Variants in MZT1 observed in about 807,000 individuals in gnomAD.
MZT1 encodes mitotic-spindle organizing protein 1.
In MZT1, 8 loss-of-function variants were observed where a neutral mutation model predicts 8.5. That is an observed-to-expected ratio of 0.94 (90% CI 0.55 to 1.70). MZT1 has a LOEUF of 1.70. Among genes scored for constraint, MZT1 ranks in the 40% most tolerant of loss-of-function variants. The probability of loss-of-function intolerance (pLI) is 0.00; values close to 1 mark genes in which losing one functional copy is unlikely to be tolerated. For synonymous variants in MZT1, 38 were observed against 42.0 expected (o/e 0.90, Z 0.37); for missense variants, 93 against 108.6 (o/e 0.86, Z 0.64).
chr13:72,715,356 T>C (rs947261910), intron 2 of MZT1, among the ~76,000 whole-genome samples: 3 of 149,498 alleles, frequency 2.0e-5, no homozygotes, highest in African/African-American at 7.3e-5. Flanking sequence ...TTTTAGATTT[T>C]ACAGGCTCAT....
At chr13:72,714,073 T>G (rs1372346407) in intron 2 of MZT1, among the ~76,000 whole-genome samples, 1 of 151,932 alleles carries the variant, frequency 6.6e-6, no homozygotes, top group Non-Finnish European at 1.5e-5. Flanking sequence ...AGACAGCATT[T>G]CAGAGATCTA....
rs35019188 is a variant in MZT1 at position 72,726,744 on chromosome 13, G to GAAA, written c.79+777_79+779dup. 2.4e-3 allele frequency among the ~76,000 whole-genome samples: 314 copies of GAAA among 132,116 alleles called. 7 individuals are homozygous for GAAA. Among genetic ancestry groups the GAAA allele is most frequent in the Non-Finnish European group, 2.6e-3 (163 of 63,690 alleles). 86.7% of individuals were successfully genotyped at this position (132,116 alleles called of 152,430 possible). A position where few individuals can be genotyped will look rare whatever the true frequency, so the allele number is the denominator to read the frequency against. ...CCTGGAGGTAGGGTTTTATTTTACA[G>GAAA]AAAAAAAAAAAAAAAAAACTAAACA... On this transcript the variant is annotated intron_variant, in intron 1 of 2. Coordinates refer to ENST00000377818, the MANE Select transcript of MZT1 (RefSeq NM_001071775.3).
In MZT1 at chr13:72,708,547, T is replaced by C. The variant is rs1284904908; in HGVS notation, c.*1775A>G. Reference sequence around the variant, plus strand: ...ACGATCCCTTCTCAATATATTTTCCTGCTTTGTTTCATACATAAATAACTT... The same window carrying C: ...ACGATCCCTTCTCAATATATTTTCCCGCTTTGTTTCATACATAAATAACTT... On this transcript the variant is annotated 3_prime_UTR_variant, in exon 3 of 3. Coordinates refer to ENST00000377818, the MANE Select transcript of MZT1 (RefSeq NM_001071775.3). 1.3e-5 allele frequency: 2 copies of C among 152,644 alleles called. No individual in the cohort carries two copies. Among genetic ancestry groups the C allele is most frequent in the East Asian group, 1.9e-4 (1 of 5,196 alleles). 9.5% of individuals were successfully genotyped at this position (152,644 alleles called of 1,614,324 possible). A position where few individuals can be genotyped will look rare whatever the true frequency, so the allele number is the denominator to read the frequency against.
chr13:72,725,964 T>G (rs1232030438), intron 1 of MZT1, among the ~76,000 whole-genome samples: 1 of 152,004 alleles, frequency 6.6e-6, no homozygotes, highest in Non-Finnish European at 1.5e-5. Context: ...TGTTGATACA[T>G]CGAAAAGGAT....
chr13:72,711,860 G>A (rs2032492092), intron 2 of MZT1, among the ~76,000 whole-genome samples: 1 of 152,096 alleles, frequency 6.6e-6, no homozygotes, highest in Non-Finnish European at 1.5e-5. Flanking sequence ...TGTCCCAAAT[G>A]GCAATAAGAG....
At position 72,710,164 on chromosome 13, in the gene MZT1, C is replaced by A; in HGVS notation, c.*158G>T. The A allele has an allele frequency of 1.5e-6, 1 of 661,278 alleles. No individual in the cohort carries two copies. The highest frequency in any genetic ancestry group is 2.6e-6 in the Non-Finnish European group (1 of 384,978). 41.0% of individuals were successfully genotyped at this position (661,278 alleles called of 1,614,324 possible). A position where few individuals can be genotyped will look rare whatever the true frequency, so the allele number is the denominator to read the frequency against. ...GATAGTTCTCTCTGTAAGCCACTTT[C>A]CACTGATTTATAAAGCTATGGTTTT... On this transcript the variant is annotated 3_prime_UTR_variant, in exon 3 of 3. Coordinates refer to ENST00000377818, the MANE Select transcript of MZT1 (RefSeq NM_001071775.3).
intron 1 of MZT1, 63 bp downstream of exon 1, chr13:72,727,461 C>T: frequency 6.5e-7 from 1 of 1,533,500 alleles, no homozygotes; most frequent in Non-Finnish European, 9.0e-7. Flanking sequence ...CAGGCTCATT[C>T]CCGCCTGGGG....
intron 1 of MZT1, 127 bp downstream of exon 1, chr13:72,727,397 C>T: frequency 1.1e-6 from 1 of 941,576 alleles, no homozygotes; most frequent in Non-Finnish European, 1.7e-6. Flanking sequence ...CAGGTCCCTA[C>T]CAAAGATCTT....
intron 1 of MZT1, among the ~76,000 whole-genome samples, chr13:72,722,935 T>G (rs917352699): frequency 6.6e-6 from 1 of 152,226 alleles, no homozygotes; most frequent in African/African-American, 2.4e-5. Context: ...CACTTTATTT[T>G]TGACTGTCTT....
At chr13:72,716,132 T>G (rs182167883) in intron 2 of MZT1, among the ~76,000 whole-genome samples, 9 of 152,134 alleles carry the variant, frequency 5.9e-5, no homozygotes, top group Non-Finnish European at 1.0e-4. Flanking sequence ...GCCAGGCTGG[T>G]CTTGAACTCC....
rs1593794643 is a variant in MZT1, at chr13:72,710,039, T to C, written c.*283A>G. 23 of 391,778 alleles carry C rather than the reference T, an allele frequency of 5.9e-5. No homozygotes were observed. The East Asian group carries it at 1.1e-3, about 18-fold the overall frequency. 24.3% of individuals were successfully genotyped at this position (391,778 alleles called of 1,614,324 possible). Reference sequence around the variant, plus strand: ...GACAGACTGCTTAGAAAATTAAAGCTATCAGAGCTATAAATAAGGAATACA... The same window carrying C: ...GACAGACTGCTTAGAAAATTAAAGCCATCAGAGCTATAAATAAGGAATACA... On this transcript the variant is annotated 3_prime_UTR_variant, in exon 3 of 3. Transcript: ENST00000377818.
At chr13:72,720,740 T>A (rs2032585166) in intron 1 of MZT1, among the ~76,000 whole-genome samples, 1 of 151,960 alleles carries the variant, frequency 6.6e-6, no homozygotes. Context: ...AATACAAAAT[T>A]AGCCAGGCAA....
rs2032464726 is a variant in MZT1, at chr13:72,709,367, CA to C, written c.*954del. Reference sequence around the variant, plus strand: ...TAATGACTGGAAATCCTTATTTCTTCAAAAAATAGCAAGTATCTTTTGAAAC... The same window carrying C: ...TAATGACTGGAAATCCTTATTTCTTCAAAAATAGCAAGTATCTTTTGAAAC... On this transcript the variant is annotated 3_prime_UTR_variant, in exon 3 of 3. Coordinates refer to ENST00000377818, the MANE Select transcript of MZT1 (RefSeq NM_001071775.3). 1 of 151,802 alleles carries C rather than the reference CA, an allele frequency of 6.6e-6. No homozygotes were observed. The highest frequency in any genetic ancestry group is 6.6e-5 in the Admixed American group (1 of 15,230). 9.4% of individuals were successfully genotyped at this position (151,802 alleles called of 1,614,324 possible). A position where few individuals can be genotyped will look rare whatever the true frequency, so the allele number is the denominator to read the frequency against.
intron 2 of MZT1, among the ~76,000 whole-genome samples, chr13:72,713,874 T>C (rs952444352): frequency 2.6e-5 from 4 of 152,198 alleles, no homozygotes; most frequent in African/African-American, 9.7e-5. Context: ...ATAGAGGAAA[T>C]AATGCCAGTA....
chr13:72,718,905 T>C, intron 2 of MZT1, 47 bp downstream of exon 2: 1 of 1,503,328 alleles, frequency 6.7e-7, no homozygotes, highest in Non-Finnish European at 8.8e-7. Context: ...ATCATTTTTC[T>C]AAATAAAAGC....
At chr13:72,713,526 G>A (rs151030676) in intron 2 of MZT1, among the ~76,000 whole-genome samples, 256 of 152,236 alleles carry the variant, frequency 1.7e-3, no homozygotes, top group African/African-American at 5.5e-3. Flanking sequence ...TACCTAACAC[G>A]ATGTAAACGC....
chr13:72,713,834 C>CA (rs1157191016), intron 2 of MZT1, among the ~76,000 whole-genome samples: 2 of 152,104 alleles, frequency 1.3e-5, no homozygotes, highest in African/African-American at 4.8e-5. Context: ...TTGGAATGCT[C>CA]AAACTGTAGT....
intron 1 of MZT1, among the ~76,000 whole-genome samples, chr13:72,726,571 G>A (rs2032661581): frequency 6.6e-6 from 1 of 151,954 alleles, no homozygotes; most frequent in African/African-American, 2.4e-5. Context: ...TAACAACATC[G>A]ATCAAACACT....
intron 1 of MZT1, among the ~76,000 whole-genome samples, chr13:72,723,363 G>A (rs773417494): frequency 6.6e-6 from 1 of 152,130 alleles, no homozygotes; most frequent in African/African-American, 2.4e-5. Context: ...ATCAGTACAG[G>A]TTGAACACTC....
Sources: gnomAD v4.1 joint callset for allele counts (sites outside exome capture counted in the v4.1 genomes callset) on GRCh38, gnomAD v4.1.1 for gene constraint, MANE v1.5 for transcripts, NCBI Gene and HGNC (gene_info 2026-07-23, HGNC 2026-07-21) for gene names.